The following PDXDC1 variants were observed in gnomAD, a reference collection of about 807,000 sequenced individuals.
PDXDC1 encodes the protein pyridoxal-dependent decarboxylase domain-containing protein 1.
PDXDC1 carries 42 observed loss-of-function variants against 100.1 expected under a neutral mutation model. The ratio of observed to expected loss-of-function variants is 0.42; its 90% CI spans 0.33 to 0.54. PDXDC1 has a LOEUF of 0.54. Among genes scored for constraint, PDXDC1 ranks in the 20% least tolerant of loss-of-function variants. The pLI is 0.10. For synonymous variants in PDXDC1, 260 were observed against 371.7 expected, an observed-to-expected ratio of 0.70 and a Z score of 3.46; for missense variants, 636 against 979.2, an observed-to-expected ratio of 0.65 and a Z score of 4.68.
intron 16 of PDXDC1, chr16:15,134,200 AC>A: frequency 8.4e-7 from 1 of 1,195,092 alleles, no homozygotes; most frequent in Non-Finnish European, 1.2e-6. Context: ...CTCAACACTC[AC>A]CCCTCGCTTG....
intron 16 of PDXDC1, among the ~76,000 whole-genome samples, chr16:15,052,956 A>G (rs2044355783): frequency 6.6e-6 from 1 of 152,192 alleles, no homozygotes; most frequent in Non-Finnish European, 1.5e-5. Flanking sequence ...TGACTGGTTA[A>G]GAGTGACTAA....
At position 15,037,433 on chromosome 16, in the gene PDXDC1, CTGATT is replaced by C. The variant is rs1339340429; in HGVS notation, c.*1163_*1167del. The stretch of plus-strand genomic sequence containing the variant: ...AGTATATTAAGCCTATAATTATACT[CTGATT>C]TGATGGGATTTTTGACATTTACACT... On this transcript the variant is annotated 3_prime_UTR_variant, in exon 23 of 23. Coordinates refer to ENST00000396410, the MANE Select transcript of PDXDC1 (RefSeq NM_015027.4). The C allele has an allele frequency of 4.6e-5, 7 of 152,214 alleles. No homozygotes were observed. The highest frequency in any genetic ancestry group is 1.7e-4 in the African/African-American group (7 of 41,396). The allele number at this position is 152,214 out of a possible 1,614,324, so 9.4% of individuals were successfully genotyped here.
intron 16 of PDXDC1, among the ~76,000 whole-genome samples, chr16:15,098,894 T>G (rs2046446853): frequency 6.6e-6 from 1 of 152,080 alleles, no homozygotes; most frequent in Non-Finnish European, 1.5e-5. Flanking sequence ...AGCAACTTTC[T>G]TGTCCACAGC....
intron 16 of PDXDC1, chr16:15,092,396 G>C: frequency 1.4e-6 from 1 of 702,634 alleles, no homozygotes; most frequent in Non-Finnish European, 2.6e-6. Context: ...TTAAATATTT[G>C]ATTTCAACTG....
intron 1 of PDXDC1, among the ~76,000 whole-genome samples, chr16:14,996,670 CATA>C (rs1472958413): frequency 6.6e-6 from 1 of 152,274 alleles, no homozygotes; most frequent in Non-Finnish European, 1.5e-5. Context: ...GCCTGTGCAG[CATA>C]ATGAGACCTT....
chr16:15,011,077 C>T (rs1202446997), intron 8 of PDXDC1, among the ~76,000 whole-genome samples: 1 of 152,288 alleles, frequency 6.6e-6, no homozygotes, highest in Admixed American at 6.5e-5. Context: ...ACTTGATGAG[C>T]TAATTCTAAA....
intron 16 of PDXDC1, among the ~76,000 whole-genome samples, chr16:15,056,370 G>C (rs1356666248): frequency 1.3e-5 from 2 of 152,370 alleles, no homozygotes; most frequent in East Asian, 3.9e-4. Context: ...TTCTGGCTCC[G>C]ACTGCTGCGC....
rs1223367993 is a variant in PDXDC1 at position 15,007,130 on chromosome 16, C to T, written c.579+547C>T. On this transcript the variant is annotated intron_variant, in intron 6 of 22. Coordinates refer to ENST00000396410, the MANE Select transcript of PDXDC1 (RefSeq NM_015027.4). Reference sequence around the variant, plus strand: ...CCTCAGATGGATTTTCAGAGTCAGTCTAGAATTGCTGGATCAAAGAGCATG... The same window carrying T: ...CCTCAGATGGATTTTCAGAGTCAGTTTAGAATTGCTGGATCAAAGAGCATG... Among the ~76,000 whole-genome samples the T allele has an allele frequency of 4.5e-5, 6 of 132,128 alleles. No individual in the cohort carries two copies. The Admixed American group carries it at 4.8e-4, about 11-fold the overall frequency. The allele number at this position is 132,128 out of a possible 152,430, so 86.7% of individuals were successfully genotyped here. A position where few individuals can be genotyped will look rare whatever the true frequency, so the allele number is the denominator to read the frequency against.
chr16:15,129,085 G>A (rs1341830470), intron 16 of PDXDC1, among the ~76,000 whole-genome samples: 1 of 151,816 alleles, frequency 6.6e-6, no homozygotes, highest in African/African-American at 2.4e-5. Context: ...GATTACAGGT[G>A]TGAGCCACCG....
At chr16:15,152,048 C>G in the PDXDC1 span, among the ~76,000 whole-genome samples, 1 of 149,578 alleles carries the variant, frequency 6.7e-6, no homozygotes, top group Non-Finnish European at 1.5e-5. Flanking sequence ...GCCCACGTCT[C>G]CCCACGGAGC....
chr16:15,083,152 G>C (rs1597970020), intron 16 of PDXDC1, among the ~76,000 whole-genome samples: 1 of 152,202 alleles, frequency 6.6e-6, no homozygotes, highest in East Asian at 1.9e-4. Context: ...ACTAATCCCA[G>C]CACTTTGGGA....
intron 16 of PDXDC1, among the ~76,000 whole-genome samples, chr16:15,124,772 A>G (rs2047613521): frequency 6.6e-6 from 1 of 151,590 alleles, no homozygotes; most frequent in South Asian, 2.1e-4. Flanking sequence ...ACTCTGTCTC[A>G]AAAACAGCAA....
rs374080578 is a variant in PDXDC1, at chr16:15,043,793, C to A, written c.1399+13737C>A. Among the ~76,000 whole-genome samples the A allele has an allele frequency of 4.6e-5, 7 of 152,026 alleles. No individual in the cohort carries two copies. The East Asian group carries it at 1.4e-3, about 29-fold the overall frequency. ...TGAAACCCCATTTCTACCAAAAATA[C>A]AAAAATTAGGTGGGTGTGGTGGCGC... is the stretch of plus-strand genomic sequence containing the variant. On this transcript the variant is annotated intron_variant, in intron 16 of 16. Transcript: ENST00000535621.
chr16:15,141,500 C>T (rs1598293367), downstream of PDXDC1, among the ~76,000 whole-genome samples: 1 of 152,174 alleles, frequency 6.6e-6, no homozygotes, highest in Non-Finnish European at 1.5e-5. Flanking sequence ...CAGTTCCCTT[C>T]CCCCAGGGGC....
chr16:15,075,551 C>A (rs1262188099), intron 16 of PDXDC1, among the ~76,000 whole-genome samples: 1 of 151,536 alleles, frequency 6.6e-6, no homozygotes, highest in East Asian at 1.9e-4. Context: ...CCAGCCTGGG[C>A]AACAGAGTGA....
chr16:15,149,864 T>C, the PDXDC1 span, among the ~76,000 whole-genome samples: 1 of 152,062 alleles, frequency 6.6e-6, no homozygotes, highest in Non-Finnish European at 1.5e-5. Flanking sequence ...GGACAACCTC[T>C]GGGACAATGG....
chr16:15,124,338 T>G, intron 16 of PDXDC1, among the ~76,000 whole-genome samples: 1 of 152,214 alleles, frequency 6.6e-6, no homozygotes, highest in Non-Finnish European at 1.5e-5. Flanking sequence ...CTCTGGCAGC[T>G]GAAAACCACT....
rs772538099 is a variant in PDXDC1 at position 15,124,971 on chromosome 16, A to AC, written c.1400-13904dup. Among the ~76,000 whole-genome samples the AC allele has an allele frequency of 2.6e-4, 39 of 150,254 alleles. No individual in the cohort carries two copies. In the East Asian group the frequency reaches 6.5e-3, roughly 25 times the overall value. On this transcript the variant is annotated intron_variant, in intron 16 of 16. Transcript: ENST00000535621. ...AGACCAGCCTCACCAACATGCTGAA[A>AC]CCCCGTCTCTACCAAAAATACAAAA...
At chr16:15,151,423 T>A in the PDXDC1 span, among the ~76,000 whole-genome samples, 1 of 37,216 alleles carries the variant, frequency 2.7e-5, no homozygotes, top group Non-Finnish European at 5.4e-5. Context: ...AGACTCCGTC[T>A]CAAAAAAAAA....
Sources: allele counts gnomAD v4.1 joint callset (sites outside exome capture counted in the v4.1 genomes callset), GRCh38; gene constraint gnomAD v4.1.1; transcripts MANE v1.5; gene names NCBI Gene and HGNC (gene_info 2026-07-23, HGNC 2026-07-21).